SLC8A1: variants seen among roughly 807,000 people sequenced by gnomAD.
SLC8A1 encodes solute carrier family 8 member A1, also known as sodium/calcium exchanger 1.
In SLC8A1, 18 loss-of-function variants were observed where a neutral mutation model predicts 68.3. That is an observed-to-expected ratio of 0.26 (90% CI 0.18 to 0.39). The LOEUF is 0.39. Ranked by LOEUF, SLC8A1 falls within the 10% of genes least tolerant of loss-of-function variation. The probability of loss-of-function intolerance (pLI) is 1.00; values close to 1 mark genes in which losing one functional copy is unlikely to be tolerated. For synonymous variants in SLC8A1, 475 were observed against 415.5 expected, an observed-to-expected ratio of 1.14 and a Z score of -1.74; for missense variants, 985 against 1,156.7, an observed-to-expected ratio of 0.85 and a Z score of 2.15.
intron 2 of SLC8A1, among the ~76,000 whole-genome samples, chr2:40,354,128 T>C (rs1355277677): frequency 6.6e-6 from 1 of 152,204 alleles, no homozygotes; most frequent in African/African-American, 2.4e-5. Context: ...TCTCCCTCCA[T>C]ATGCGCTATA....
chr2:40,348,183 G>A (rs1276593630), intron 2 of SLC8A1, among the ~76,000 whole-genome samples: 1 of 152,136 alleles, frequency 6.6e-6, no homozygotes, highest in Non-Finnish European at 1.5e-5. Context: ...AGATTGAACT[G>A]TACATGAAGA....
intron 1 of SLC8A1, among the ~76,000 whole-genome samples, chr2:40,503,261 C>A (rs565625787): frequency 1.3e-5 from 2 of 152,148 alleles, no homozygotes; most frequent in Non-Finnish European, 1.5e-5. Flanking sequence ...GCTCCCTCAA[C>A]CCACATCTCT....
intron 1 of SLC8A1, among the ~76,000 whole-genome samples, chr2:40,472,609 C>T (rs927043890): frequency 6.6e-6 from 1 of 152,076 alleles, no homozygotes; most frequent in South Asian, 2.1e-4. Flanking sequence ...TTGAAGTAGT[C>T]CTTTTGCTTT....
intron 1 of SLC8A1, among the ~76,000 whole-genome samples, 167 bp downstream of exon 1, chr2:40,451,737 T>TCACACACACA (rs756970142): frequency 0.032 from 4,304 of 133,660 alleles, 100 homozygotes; most frequent in Admixed American, 0.043. Context: ...ACACACCACA[T>TCACACACACA]CACACACACA....
intron 1 of SLC8A1, among the ~76,000 whole-genome samples, chr2:40,449,518 G>A (rs1443048726): frequency 6.6e-6 from 1 of 152,104 alleles, no homozygotes; most frequent in Non-Finnish European, 1.5e-5. Context: ...CCTGCAAATA[G>A]TCCTATAGAT....
rs1693149963 is a variant in SLC8A1 at position 40,414,335 on chromosome 2, C to T, written c.1808+14138G>A. Among the ~76,000 whole-genome samples the T allele has an allele frequency of 2.0e-5, 3 of 152,144 alleles. No individual in the cohort carries two copies. In the South Asian group the frequency reaches 6.2e-4, roughly 32 times the overall value. ...ACACATCTGCAGCCATATATGAGGTCCCTCATGAGACTTAGCAACAAGGTG... is the reference window on the plus strand; with the variant it reads ...ACACATCTGCAGCCATATATGAGGTTCCTCATGAGACTTAGCAACAAGGTG... On this transcript the variant is annotated intron_variant, in intron 2 of 7. Coordinates refer to ENST00000406785, the Ensembl canonical transcript of SLC8A1.
chr2:40,463,450 G>T (rs1032939492), intron 1 of SLC8A1, among the ~76,000 whole-genome samples: 1 of 152,066 alleles, frequency 6.6e-6, no homozygotes, highest in Admixed American at 6.5e-5. Flanking sequence ...CTAAAGAATC[G>T]CCTTAGTTCC....
chr2:40,119,838 C>A (rs1248931515), intron 7 of SLC8A1, among the ~76,000 whole-genome samples: 1 of 152,162 alleles, frequency 6.6e-6, no homozygotes. Context: ...TTAGTCCTGG[C>A]TCCTTGATAC....
chr2:40,269,925 TG>T (rs1027410970), intron 2 of SLC8A1, among the ~76,000 whole-genome samples: 11 of 152,184 alleles, frequency 7.2e-5, no homozygotes, highest in Non-Finnish European at 1.5e-4. Context: ...CAAGGGCATA[TG>T]GCATGCAGGG....
In SLC8A1 at chr2:40,160,876, G is replaced by T; in HGVS notation, c.2062-12C>A. 6.3e-7 allele frequency: 1 copy of T among 1,598,928 alleles called. No individual in the cohort carries two copies. The highest frequency in any genetic ancestry group is 1.1e-5 in the South Asian group (1 of 90,538). ...TTGTCCACAGTACTCTAGAAATGTT[G>T]AAAAGAAAAATATAAATGCTGGGTT... is the stretch of plus-strand genomic sequence containing the variant. On this transcript the variant is annotated splice_polypyrimidine_tract_variant and intron_variant, in intron 5 of 7. Transcript: ENST00000406785.
intron 2 of SLC8A1, among the ~76,000 whole-genome samples, chr2:40,375,610 T>C (rs1357231813): frequency 1.3e-5 from 2 of 152,144 alleles, no homozygotes; most frequent in African/African-American, 2.4e-5. Context: ...AAGAGTGGTC[T>C]AGTCAATTAT....
At chr2:40,316,246 T>C (rs908468377) in intron 2 of SLC8A1, among the ~76,000 whole-genome samples, 2 of 152,040 alleles carry the variant, frequency 1.3e-5, no homozygotes, top group Non-Finnish European at 2.9e-5. Context: ...CCTTTGTGGT[T>C]CAAGGACATA....
Position 40,413,373 on chromosome 2 carries a change from C to A in SLC8A1, c.1808+15100G>T, listed in dbSNP as rs189531938. ...AACCCAAATGTCCAACAATGATAGA[C>A]TGGATTAAAAAAATGTGGCACATAT... On this transcript the variant is annotated intron_variant, in intron 2 of 7. Coordinates refer to ENST00000406785, the Ensembl canonical transcript of SLC8A1. 1.9e-4 allele frequency among the ~76,000 whole-genome samples: 29 copies of A among 152,156 alleles called. No individual in the cohort carries two copies. In the East Asian group the frequency reaches 1.9e-3, roughly 10 times the overall value.
rs534839817 is a variant in SLC8A1, at chr2:40,193,988, A to G, written c.1809-16133T>C. Among the ~76,000 whole-genome samples, 12 of 152,258 alleles carry G rather than the reference A, an allele frequency of 7.9e-5. No homozygotes were observed. In the East Asian group the frequency reaches 2.3e-3, roughly 29 times the overall value. ...AAAACTTGTCTGTGGGTTAGAGAAA[A>G]CAAGTTGAAATTGCATGAAATGCTT... is the stretch of plus-strand genomic sequence containing the variant. On this transcript the variant is annotated intron_variant, in intron 2 of 7. Transcript: ENST00000406785.
chr2:40,209,553 T>C (rs1399834386), intron 2 of SLC8A1, among the ~76,000 whole-genome samples: 3 of 152,226 alleles, frequency 2.0e-5, no homozygotes, highest in East Asian at 3.9e-4. Context: ...ACTTGACTTA[T>C]ACTTTACAGG....
intron 2 of SLC8A1, among the ~76,000 whole-genome samples, chr2:40,183,086 A>G (rs2049942444): frequency 6.6e-6 from 1 of 152,228 alleles, no homozygotes; most frequent in Non-Finnish European, 1.5e-5. Flanking sequence ...CTTAATTCAC[A>G]GATCTTCATA....
intron 2 of SLC8A1, among the ~76,000 whole-genome samples, chr2:40,265,077 T>C (rs2065191439): frequency 6.6e-6 from 1 of 152,222 alleles, no homozygotes; most frequent in African/African-American, 2.4e-5. Context: ...GTGAAAATCT[T>C]CAAGTCATCT....
intron 2 of SLC8A1, among the ~76,000 whole-genome samples, chr2:40,396,777 A>AAAAAAAAAAAG (rs1320205950): frequency 2.0e-5 from 3 of 146,998 alleles, no homozygotes; most frequent in African/African-American, 7.5e-5. Context: ...AAAAAAAAAA[A>AAAAAAAAAAAG]CAAGAGAAGT....
intron 2 of SLC8A1, among the ~76,000 whole-genome samples, chr2:40,319,340 G>A (rs2074900497): frequency 6.6e-6 from 1 of 152,022 alleles, no homozygotes; most frequent in African/African-American, 2.4e-5. Context: ...ATTCTTGGAG[G>A]TACAGGACTA....
Sources: gnomAD v4.1 joint callset for allele counts (sites outside exome capture counted in the v4.1 genomes callset) on GRCh38, gnomAD v4.1.1 for gene constraint, MANE v1.5 for transcripts, NCBI Gene and HGNC (gene_info 2026-07-23, HGNC 2026-07-21) for gene names.